Variants in DYNC2H1 observed in about 807,000 individuals in gnomAD.
The protein encoded by DYNC2H1 is cytoplasmic dynein 2 heavy chain 1.
In DYNC2H1, 410 loss-of-function variants were observed where a neutral mutation model predicts 570.0. The ratio of observed to expected loss-of-function variants is 0.72; its 90% confidence interval spans 0.66 to 0.78. The LOEUF is 0.78. DYNC2H1 is among the 30% of genes least tolerant of loss of function. The pLI, the probability that DYNC2H1 is intolerant of heterozygous loss-of-function variation, is 0.00. For synonymous variants in DYNC2H1, 1,688 were observed against 1,677.6 expected (o/e 1.01, Z -0.15); for missense variants, 4,865 against 5,046.4 (o/e 0.96, Z 1.09).
intron 83 of DYNC2H1, among the ~76,000 whole-genome samples, chr11:103,397,053 G>A (rs1942429914): frequency 6.6e-6 from 1 of 152,166 alleles, no homozygotes; most frequent in African/African-American, 2.4e-5. Flanking sequence ...CTTTAAAAGT[G>A]TGGACTTCAC....
intron 79 of DYNC2H1, among the ~76,000 whole-genome samples, chr11:103,315,969 CTAAT>C (rs1486412732): frequency 1.3e-5 from 2 of 151,900 alleles, no homozygotes; most frequent in Non-Finnish European, 2.9e-5. Flanking sequence ...TTACTTAGAA[CTAAT>C]TAGTCAATAG....
chr11:103,294,787 G>T (rs1408372000), intron 75 of DYNC2H1, among the ~76,000 whole-genome samples: 1 of 152,062 alleles, frequency 6.6e-6, no homozygotes, highest in Non-Finnish European at 1.5e-5. Flanking sequence ...TAGTCAGCAG[G>T]TTATAAGCCA....
intron 88 of DYNC2H1, among the ~76,000 whole-genome samples, chr11:103,469,583 T>G (rs1945304990): frequency 6.6e-6 from 1 of 152,188 alleles, no homozygotes; most frequent in South Asian, 2.1e-4. Context: ...AAGGAAAATC[T>G]TAAAAAGCGA....
chr11:103,173,449 T>C (rs1214375015), intron 35 of DYNC2H1, 144 bp downstream of exon 35: 2 of 558,072 alleles, frequency 3.6e-6, no homozygotes, highest in African/African-American at 4.0e-5. Flanking sequence ...AGTGTAGCTA[T>C]GAAAGGCTTT....
intron 82 of DYNC2H1, among the ~76,000 whole-genome samples, chr11:103,330,802 G>A (rs1023523347): frequency 1.3e-5 from 2 of 151,968 alleles, no homozygotes; most frequent in African/African-American, 2.4e-5. Flanking sequence ...AGCAGCATGT[G>A]GCACCAGCAG....
rs552821053 is a variant in DYNC2H1, at chr11:103,446,461, T to C, written c.12457-8725T>C. Among the ~76,000 whole-genome samples the C allele has an allele frequency of 6.6e-6, 1 of 152,310 alleles. No individual in the cohort carries two copies. Among genetic ancestry groups the C allele is most frequent in the East Asian group, 1.9e-4 (1 of 5,188 alleles). ...TAAGTGAGGTTAGAGAAAAATCATG[T>C]TTGGCAACATGGAAGACGTTGGTGA... On this transcript the variant is annotated intron_variant, in intron 85 of 88. Transcript: ENST00000375735. This position sits in a 1 kb window ranked among gnomAD's most constrained non-coding sequence, Gnocchi z 4.5.
intron 6 of DYNC2H1, 49 bp from the exon 7 acceptor site, chr11:103,120,398 C>G (rs758269347): frequency 1.4e-6 from 2 of 1,465,992 alleles, no homozygotes; most frequent in Non-Finnish European, 1.8e-6. Context: ...CCTATTTATG[C>G]AAATGGTTGG....
At chr11:103,321,722 A>C (rs937378282) in intron 81 of DYNC2H1, among the ~76,000 whole-genome samples, 12 of 152,132 alleles carry the variant, frequency 7.9e-5, no homozygotes, top group Non-Finnish European at 1.5e-4. Flanking sequence ...TTTTTCAGCC[A>C]GCTGTAGCTT....
At chr11:103,171,096 A>G in intron 34 of DYNC2H1, 28 bp downstream of exon 34, 1 of 1,519,386 alleles carries the variant, frequency 6.6e-7, no homozygotes, top group Non-Finnish European at 8.9e-7. Context: ...AATTTAAAGA[A>G]TTAAAATATT....
chr11:103,432,265 G>A (rs1478658790), intron 84 of DYNC2H1, among the ~76,000 whole-genome samples: 1 of 152,120 alleles, frequency 6.6e-6, no homozygotes, highest in East Asian at 1.9e-4. Flanking sequence ...TAGCTCATGA[G>A]GCATCCTCTT....
rs1860716899 is a variant in DYNC2H1 at position 103,154,479 on chromosome 11, G to T, written c.3331G>T (p.Glu1111Ter). The change falls in exon 23 of 89, where the codon GAG (glutamate) becomes TAG (stop). Residue 1111 changes from glutamate (E) to a stop codon, truncating the protein, a stop_gained. Coordinates refer to ENST00000375735, the MANE Select transcript of DYNC2H1 (RefSeq NM_001377.3). LOFTEE classifies it high-confidence loss of function. ...TGATTGCCATCATTTTAGACTGGAA[G>T]AGCCTAATTTCTCCCTGGCAAGTAG... is the stretch of plus-strand genomic sequence containing the variant. ...VDDCHHFRLE[E>*]PNFSLASSIS... 5 of 1,551,478 alleles carry T rather than the reference G, an allele frequency of 3.2e-6. No homozygotes were observed. Among genetic ancestry groups the T allele is most frequent in the Non-Finnish European group, 4.3e-6 (5 of 1,150,906 alleles).
At chr11:103,286,196 A>T in intron 73 of DYNC2H1, 59 bp from the exon 74 acceptor site, 2 of 1,577,370 alleles carry the variant, frequency 1.3e-6, no homozygotes, top group South Asian at 2.4e-5. Flanking sequence ...TTTTAAAAAT[A>T]AATGTATGTG....
chr11:103,220,487 T>G, intron 56 of DYNC2H1, 136 bp from the exon 57 acceptor site: 1 of 869,628 alleles, frequency 1.1e-6, no homozygotes, highest in Non-Finnish European at 1.6e-6. Context: ...ATTGAAAGCA[T>G]TTTGATATTT....
intron 84 of DYNC2H1, among the ~76,000 whole-genome samples, chr11:103,421,699 G>A (rs1943494688): frequency 6.6e-6 from 1 of 152,052 alleles, no homozygotes; most frequent in Admixed American, 6.6e-5. Context: ...CTGGGATGCA[G>A]CTAAAGCAGT....
intron 82 of DYNC2H1, among the ~76,000 whole-genome samples, chr11:103,351,074 C>A (rs946223081): frequency 1.3e-5 from 2 of 152,248 alleles, no homozygotes; most frequent in East Asian, 1.9e-4. Context: ...ATGTTTTCTG[C>A]TTTTTAAATG....
chr11:103,258,684 A>G (rs1865156621), intron 69 of DYNC2H1, among the ~76,000 whole-genome samples: 1 of 152,200 alleles, frequency 6.6e-6, no homozygotes, highest in Non-Finnish European at 1.5e-5. Flanking sequence ...TCAAGGCACT[A>G]AGTATGTGTT....
At position 103,198,054 on chromosome 11, in the gene DYNC2H1, TATTAAAAAGGTATAATATG is replaced by T. The variant is rs1862571209; in HGVS notation, c.7832_7839+11del. The T allele has an allele frequency of 6.4e-7, 1 of 1,551,974 alleles. No individual in the cohort carries two copies. Among genetic ancestry groups the T allele is most frequent in the Non-Finnish European group, 8.7e-7 (1 of 1,146,928 alleles). On this transcript the variant is annotated splice_donor_variant and splice_donor_5th_base_variant and coding_sequence_variant and intron_variant, in exon 48 of 89. Transcript: ENST00000375735. LOFTEE classifies it high-confidence loss of function. ...TAAACTCTACTGATCTCAAGGATGTTATTAAAAAGGTATAATATGAATCATTAATTGGAACTGGGATTTG... is the reference window on the plus strand; with the variant it reads ...TAAACTCTACTGATCTCAAGGATGTTAATCATTAATTGGAACTGGGATTTG...
intron 73 of DYNC2H1, among the ~76,000 whole-genome samples, chr11:103,285,231 G>C (rs1484164821): frequency 6.6e-6 from 1 of 152,102 alleles, no homozygotes; most frequent in Non-Finnish European, 1.5e-5. Context: ...GCATGGACAA[G>C]TGGGAATTTG....
intron 24 of DYNC2H1, among the ~76,000 whole-genome samples, 174 bp downstream of exon 24, chr11:103,154,983 A>G (rs1481956990): frequency 6.6e-6 from 1 of 152,100 alleles, no homozygotes; most frequent in Non-Finnish European, 1.5e-5. Context: ...TTCTACTACC[A>G]ATGAGAAAGA....
Sources: gnomAD v4.1 joint callset for allele counts (sites outside exome capture counted in the v4.1 genomes callset) on GRCh38, gnomAD v4.1.1 for gene constraint, Gnocchi (gnomAD v3.1) non-coding constraint, MANE v1.5 for transcripts, NCBI Gene and HGNC (gene_info 2026-07-23, HGNC 2026-07-21) for gene names.